Variants in VPS37A observed in about 807,000 individuals in gnomAD.
The protein encoded by VPS37A is vacuolar protein sorting-associated protein 37A.
Under a neutral mutation model 49.8 loss-of-function variants are expected in VPS37A, and 30 were observed. The observed-to-expected ratio is 0.60, with a 90% CI of 0.45 to 0.82. The LOEUF (loss-of-function observed/expected upper bound fraction) is 0.82. VPS37A is among the 40% of genes least tolerant of loss of function. The pLI is 0.00. For missense variants in VPS37A, 593 were observed against 464.4 expected, an observed-to-expected ratio of 1.28 and a Z score of -2.55; for synonymous variants, 195 against 160.6, an observed-to-expected ratio of 1.21 and a Z score of -1.62.
At chr8:17,315,034 GC>G in the VPS37A span, among the ~76,000 whole-genome samples, 2 of 127,292 alleles carry the variant, frequency 1.6e-5, no homozygotes, top group African/African-American at 7.2e-5. Flanking sequence ...TAGCCCTGTG[GC>G]CCTTGGGTAG....
intron 9 of VPS37A, among the ~76,000 whole-genome samples, chr8:17,283,893 T>G (rs563193047): frequency 6.6e-6 from 1 of 152,324 alleles, no homozygotes; most frequent in South Asian, 2.1e-4. Flanking sequence ...AGGGATTGCA[T>G]TGAGTCTATA....
intron 2 of VPS37A, 126 bp downstream of exon 2, chr8:17,266,107 G>C: frequency 1.3e-6 from 1 of 785,534 alleles, no homozygotes; most frequent in Non-Finnish European, 2.0e-6. Context: ...ATAAAATAGT[G>C]CACAATTCAG....
chr8:17,258,986 G>T (rs1387437075), intron 1 of VPS37A, among the ~76,000 whole-genome samples: 1 of 151,788 alleles, frequency 6.6e-6, no homozygotes, highest in African/African-American at 2.4e-5. Flanking sequence ...ATTTATTTGG[G>T]TCTTCTCTCC....
chr8:17,318,822 C>G, the VPS37A span, among the ~76,000 whole-genome samples: 6 of 152,184 alleles, frequency 3.9e-5, no homozygotes, highest in African/African-American at 1.4e-4. Flanking sequence ...GGAGAAGCAG[C>G]CTCCACAGGC....
At chr8:17,311,676 C>T in the VPS37A span, 4 of 1,612,832 alleles carry the variant, frequency 2.5e-6, no homozygotes, top group African/African-American at 5.3e-5. Context: ...CAAAGAATGG[C>T]TGTAAAAAGG....
the VPS37A span, among the ~76,000 whole-genome samples, chr8:17,319,962 A>G: frequency 1.3e-5 from 2 of 152,224 alleles, no homozygotes; most frequent in African/African-American, 2.4e-5. Context: ...ATGTCTGATC[A>G]GGATTGAGAT....
chr8:17,319,504 C>G, the VPS37A span, among the ~76,000 whole-genome samples: 3 of 152,200 alleles, frequency 2.0e-5, no homozygotes, highest in African/African-American at 7.2e-5. Flanking sequence ...TTCTGAGAGA[C>G]AAACCTCGAG....
the VPS37A span, among the ~76,000 whole-genome samples, chr8:17,310,257 T>A: frequency 6.6e-6 from 1 of 151,900 alleles, no homozygotes; most frequent in Non-Finnish European, 1.5e-5. Flanking sequence ...CTCCTTAACC[T>A]CCCAAAATGC....
chr8:17,307,707 TA>T, the VPS37A span, among the ~76,000 whole-genome samples: 2 of 152,124 alleles, frequency 1.3e-5, no homozygotes, highest in Admixed American at 1.3e-4. Flanking sequence ...TATGCAGCCA[TA>T]AAAAATGATG....
chr8:17,284,298 C>T (rs557743404), intron 9 of VPS37A, among the ~76,000 whole-genome samples, 175 bp from the exon 10 acceptor site: 3 of 152,290 alleles, frequency 2.0e-5, no homozygotes, highest in Non-Finnish European at 4.4e-5. Context: ...GTGTCTACCC[C>T]TATCCAAAAG....
chr8:17,263,452 G>C (rs1813149946), intron 1 of VPS37A, among the ~76,000 whole-genome samples: 1 of 152,060 alleles, frequency 6.6e-6, no homozygotes, highest in Non-Finnish European at 1.5e-5. Context: ...GGAATTTGTT[G>C]ATGGTTCAGC....
chr8:17,281,174 A>G (rs952951498), intron 9 of VPS37A, among the ~76,000 whole-genome samples: 1 of 152,070 alleles, frequency 6.6e-6, no homozygotes, highest in Non-Finnish European at 1.5e-5. Flanking sequence ...AGCAATTAAT[A>G]TGTCTTGCAC....
At chr8:17,328,590 A>G in the VPS37A span, among the ~76,000 whole-genome samples, 1 of 152,220 alleles carries the variant, frequency 6.6e-6, no homozygotes, top group African/African-American at 2.4e-5. Context: ...GTGGAGGGAG[A>G]GCATAAGGAA....
At chr8:17,268,832 A>G in intron 3 of VPS37A, 24 bp from the exon 4 acceptor site, 1 of 1,461,570 alleles carries the variant, frequency 6.8e-7, no homozygotes, top group South Asian at 1.2e-5. Flanking sequence ...AGTGATTTTA[A>G]GCGTCATGTA....
At chr8:17,247,655 T>A (rs1189846719) in intron 1 of VPS37A, 2 of 704,150 alleles carry the variant, frequency 2.8e-6, no homozygotes, top group South Asian at 3.0e-5. Flanking sequence ...TCTCTCATAG[T>A]CTATTTCCAG....
At chr8:17,255,374 G>C (rs1165867752) in intron 1 of VPS37A, among the ~76,000 whole-genome samples, 1 of 152,066 alleles carries the variant, frequency 6.6e-6, no homozygotes, top group African/African-American at 2.4e-5. Context: ...CCAGCTACTC[G>C]GGAGGCTGAG....
chr8:17,270,961 C>T (rs899290837), intron 4 of VPS37A, among the ~76,000 whole-genome samples: 4 of 152,140 alleles, frequency 2.6e-5, no homozygotes, highest in Admixed American at 1.3e-4. Flanking sequence ...CCCTCACACA[C>T]CCACTGTACA....
At chr8:17,278,882 T>C (rs1014035076) in intron 6 of VPS37A, among the ~76,000 whole-genome samples, 7 of 152,256 alleles carry the variant, frequency 4.6e-5, no homozygotes, top group Admixed American at 2.6e-4. Flanking sequence ...TTCTTCTTTA[T>C]TTTTAAATTA....
At chr8:17,279,734 C>G (rs1320782239) in intron 6 of VPS37A, 1 of 479,840 alleles carries the variant, frequency 2.1e-6, no homozygotes, top group Non-Finnish European at 4.1e-6. Context: ...CACTGTATAA[C>G]TGTGAACACT....
Sources: allele counts gnomAD v4.1 joint callset (sites outside exome capture counted in the v4.1 genomes callset), GRCh38; gene constraint gnomAD v4.1.1; transcripts MANE v1.5; gene names NCBI Gene and HGNC (gene_info 2026-07-23, HGNC 2026-07-21).